ZNF611: variants seen among roughly 807,000 people sequenced by gnomAD.
The protein encoded by ZNF611 is zinc finger protein 611.
In ZNF611, 6 loss-of-function variants were observed where a neutral mutation model predicts 8.9. That is an observed-to-expected ratio of 0.68 (90% CI 0.37 to 1.34). The LOEUF is 1.34. Among genes scored for constraint, ZNF611 ranks in the 40% most tolerant of loss-of-function variants. The pLI, the probability that ZNF611 is intolerant of heterozygous loss-of-function variation, is 0.02. For synonymous variants in ZNF611, 262 were observed against 279.7 expected, an observed-to-expected ratio of 0.94 and a Z score of 0.63; for missense variants, 874 against 841.3, an observed-to-expected ratio of 1.04 and a Z score of -0.48.
chr19:52,715,755 A>G, intron 4 of ZNF611, 77 bp downstream of exon 4: 1 of 1,590,786 alleles, frequency 6.3e-7, no homozygotes, highest in Non-Finnish European at 8.5e-7. Context: ...TCAGACTCAG[A>G]AAAGACTGGC....
intron 3 of ZNF611, among the ~76,000 whole-genome samples, chr19:52,725,986 C>A (rs988865609): frequency 6.6e-6 from 1 of 152,254 alleles, no homozygotes; most frequent in East Asian, 1.9e-4. Flanking sequence ...AGGCATGATA[C>A]AAAAGCCCTG....
intron 1 of ZNF611, among the ~76,000 whole-genome samples, chr19:52,731,787 C>T (rs1202493403): frequency 1.3e-5 from 2 of 151,324 alleles, no homozygotes; most frequent in African/African-American, 2.4e-5. Context: ...CCTGGATCAA[C>T]ATGAAGAAAC....
rs1269098272 is a variant in ZNF611 at position 52,704,860 on chromosome 19, T to C, written c.*77A>G. On this transcript the variant is annotated 3_prime_UTR_variant, in exon 6 of 6. Coordinates refer to ENST00000652185, the MANE Select transcript of ZNF611 (RefSeq NM_001161499.2). ...TGTCAGAAACCTTACATTTGTAAGC[T>C]TTCTCTCCAGTATAAATTCTCCTAT... 6.2e-6 allele frequency: 10 copies of C among 1,608,264 alleles called. No individual in the cohort carries two copies. In the East Asian group the frequency reaches 8.9e-5, roughly 14 times the overall value.
At chr19:52,734,661 G>T (rs2062446759) in intron 1 of ZNF611, among the ~76,000 whole-genome samples, 1 of 152,234 alleles carries the variant, frequency 6.6e-6, no homozygotes, top group African/African-American at 2.4e-5. Context: ...CTGAGGAGGG[G>T]GAGGCTGGGA....
chr19:52,723,253 CTTTTTTTTTTT>C (rs56217135), intron 3 of ZNF611, among the ~76,000 whole-genome samples: 3 of 103,188 alleles, frequency 2.9e-5, no homozygotes, highest in African/African-American at 8.2e-5. Context: ...CTTATTTAAC[CTTTTTTTTTTT>C]TTTTTTTTTG....
At chr19:52,719,007 C>T (rs866881207) in intron 3 of ZNF611, among the ~76,000 whole-genome samples, 3 of 151,826 alleles carry the variant, frequency 2.0e-5, no homozygotes, top group South Asian at 4.2e-4. Flanking sequence ...TCTGTCTCTG[C>T]TAAAAATAAA....
At chr19:52,726,694 A>G (rs2062395442) in intron 3 of ZNF611, among the ~76,000 whole-genome samples, 1 of 149,550 alleles carries the variant, frequency 6.7e-6, no homozygotes, top group Non-Finnish European at 1.5e-5. Flanking sequence ...CTGGGATTAC[A>G]GGTGTGAGCC....
intron 5 of ZNF611, among the ~76,000 whole-genome samples, chr19:52,709,519 C>G (rs1399395608): frequency 6.6e-6 from 1 of 152,200 alleles, no homozygotes; most frequent in African/African-American, 2.4e-5. Context: ...GATCCGCCCT[C>G]CTCGCCTCCC....
intron 5 of ZNF611, among the ~76,000 whole-genome samples, chr19:52,710,699 G>A (rs2062273733): frequency 6.6e-6 from 1 of 152,154 alleles, no homozygotes; most frequent in Admixed American, 6.6e-5. Context: ...AGTGAAAAGA[G>A]TGAGACAGGA....
At position 52,706,175 on chromosome 19, in the gene ZNF611, T is replaced by C. The variant is rs1467558993; in HGVS notation, c.880A>G (p.Lys294Glu). ...EKPYKCKECG[K>E]TFSQESSLTC... ...AGGGATGACTCCTGACTGAAGGTCT[T>C]GCCACACTCTTTACACTTGTAAGGT... Residue 294 changes from lysine (K) to glutamate (E), a missense_variant, in exon 6 of 6, where the codon AAG becomes GAG. Lys to Glu is a moderately conservative substitution (Grantham distance 56). Transcript: ENST00000652185. The C allele has an allele frequency of 6.2e-7, 1 of 1,614,196 alleles. No homozygotes were observed. Among genetic ancestry groups the C allele is most frequent in the East Asian group, 2.2e-5 (1 of 44,886 alleles).
At chr19:52,723,810 C>T (rs1032706494) in intron 3 of ZNF611, 5 of 152,092 alleles carry the variant, frequency 3.3e-5, no homozygotes, top group African/African-American at 1.2e-4. Context: ...AGAAGGTCAG[C>T]AGGAAATCAT....
At chr19:52,732,532 A>T (rs79594583) in intron 1 of ZNF611, among the ~76,000 whole-genome samples, 1,042 of 48,810 alleles carry the variant, frequency 0.021, 386 homozygotes, top group Non-Finnish European at 0.029. Context: ...TGAGTTATTC[A>T]GAATAACTCA....
At chr19:52,730,217 C>T (rs1204635414) in intron 1 of ZNF611, among the ~76,000 whole-genome samples, 10 of 151,574 alleles carry the variant, frequency 6.6e-5, no homozygotes, top group South Asian at 2.1e-4. Context: ...CATGGTGAAA[C>T]CCCATCTCTA....
chr19:52,714,190 T>C (rs2062299654), intron 4 of ZNF611, 49 bp from the exon 5 acceptor site: 7 of 1,594,852 alleles, frequency 4.4e-6, no homozygotes, highest in Non-Finnish European at 6.0e-6. Flanking sequence ...TAATGAGTTA[T>C]CACCTTCACA....
chr19:52,726,722 G>GTTTTTTT (rs56146245), intron 3 of ZNF611, among the ~76,000 whole-genome samples: 1 of 130,302 alleles, frequency 7.7e-6, no homozygotes. Context: ...TCGGCCTTGT[G>GTTTTTTT]TTTTTTTTTT....
At position 52,706,184 on chromosome 19, in the gene ZNF611, C is replaced by G. The variant is rs1029545152; in HGVS notation, c.871G>C (p.Glu291Gln). ...TCCTGACTGAAGGTCTTGCCACACT[C>G]TTTACACTTGTAAGGTTTCTCAACA... Reference protein sequence around the residue: ...HTVEKPYKCKECGKTFSQESS... With the variant: ...HTVEKPYKCKQCGKTFSQESS... Residue 291 changes from glutamate to glutamine, a missense_variant, in exon 6 of 6, where the codon GAG (glutamate) becomes CAG (glutamine). Physicochemically the swap from Glu to Gln is conservative, Grantham distance 29. Transcript: ENST00000652185. The G allele has an allele frequency of 6.2e-7, 1 of 1,614,072 alleles. No individual in the cohort carries two copies. The highest frequency in any genetic ancestry group is 8.5e-7 in the Non-Finnish European group (1 of 1,180,010).
chr19:52,720,559 C>T (rs528109630), intron 3 of ZNF611, among the ~76,000 whole-genome samples: 55 of 140,316 alleles, frequency 3.9e-4, no homozygotes, highest in African/African-American at 8.3e-4. Context: ...ATGGGGCAGC[C>T]GGGCAGAGGC....
In ZNF611 at chr19:52,735,034, C is replaced by T. The variant is rs1308835273; in HGVS notation, c.-255G>A. ...TATGACCTACACTCCACCCGATCCG[C>T]TTCCGGGTTTGCGTTAATCTGCGCG... On this transcript the variant is annotated 5_prime_UTR_variant, in exon 1 of 6. Coordinates refer to ENST00000652185, the MANE Select transcript of ZNF611 (RefSeq NM_001161499.2). The T allele has an allele frequency of 6.5e-6, 1 of 153,536 alleles. No individual in the cohort carries two copies. The highest frequency in any genetic ancestry group is 2.4e-5 in the African/African-American group (1 of 41,464). 9.5% of individuals were successfully genotyped at this position (153,536 alleles called of 1,614,324 possible). A position where few individuals can be genotyped will look rare whatever the true frequency, so the allele number is the denominator to read the frequency against.
chr19:52,714,123 C>A lies in ZNF611; in HGVS notation c.82G>T (p.Asp28Tyr). ...ALPQGRLTFR[D>Y]VAIEFSLAEW... is the part of the protein sequence containing the mutation. The stretch of plus-strand genomic sequence containing the variant: ...GCCAATGAGAATTCTATAGCCACAT[C>A]CCGGAAAGTCAAGCGTCCCTAAAAT... The change falls in exon 5 of 6, where the codon GAT becomes TAT. Residue 28 changes from aspartate to tyrosine, a missense_variant. By Grantham distance (160) the Asp-to-Tyr change is radical. Coordinates refer to ENST00000652185, the MANE Select transcript of ZNF611 (RefSeq NM_001161499.2). 3 of 1,613,624 alleles carry A rather than the reference C, an allele frequency of 1.9e-6. No homozygotes were observed. The highest frequency in any genetic ancestry group is 1.1e-5 in the South Asian group (1 of 90,934).
Sources: gnomAD v4.1 joint callset for allele counts (sites outside exome capture counted in the v4.1 genomes callset) on GRCh38, gnomAD v4.1.1 for gene constraint, MANE v1.5 for transcripts, NCBI Gene and HGNC (gene_info 2026-07-23, HGNC 2026-07-21) for gene names.